The following RNF17 variants were observed in gnomAD, a reference collection of about 807,000 sequenced individuals.
RNF17 encodes spermatogenesis associated 23.
A neutral mutation model predicts 200.5 loss-of-function variants in RNF17; 31 were observed. That is an observed-to-expected ratio of 0.15 (90% CI 0.12 to 0.21). The LOEUF (loss-of-function observed/expected upper bound fraction) is 0.21. Among genes scored for constraint, RNF17 ranks in the 10% least tolerant of loss-of-function variants. The probability of loss-of-function intolerance (pLI) is 1.00; values close to 1 mark genes in which losing one functional copy is unlikely to be tolerated. For synonymous variants in RNF17, 606 were observed against 637.8 expected (o/e 0.95, Z 0.75); for missense variants, 1,628 against 1,905.1 (o/e 0.85, Z 2.71).
chr13:24,863,136 G>T (rs1893264047), intron 28 of RNF17, among the ~76,000 whole-genome samples: 1 of 152,168 alleles, frequency 6.6e-6, no homozygotes, highest in Admixed American at 6.5e-5. Context: ...ACTGTCTCGG[G>T]TCCAGGTAAT....
chr13:24,753,422 G>C, the RNF17 span, among the ~76,000 whole-genome samples: 1 of 152,202 alleles, frequency 6.6e-6, no homozygotes, highest in African/African-American at 2.4e-5. Context: ...TGAATAGTTT[G>C]GTGCTCAAAG....
In RNF17 at chr13:24,767,346, A is replaced by G. The variant is rs1323325280; in HGVS notation, c.205A>G (p.Ile69Val). 3 of 1,607,342 alleles carry G rather than the reference A, an allele frequency of 1.9e-6. No homozygotes were observed. Among genetic ancestry groups the G allele is most frequent in the Non-Finnish European group, 2.6e-6 (3 of 1,173,918 alleles). Residue 69 changes from isoleucine (I) to valine (V), a missense_variant, in exon 2 of 36, where the codon ATT (isoleucine) becomes GTT (valine). Around this residue, in one of 5 missense-constraint regions of RNF17, gnomAD observed 502 missense variants for 501.7 expected, o/e 1.00. Coordinates refer to ENST00000255324, the MANE Select transcript of RNF17 (RefSeq NM_031277.3). ...CLLMTEECTT[I>V]ICPDCEVATA... The stretch of plus-strand genomic sequence containing the variant: ...GTTAATGACTGAAGAATGCACCACA[A>G]TTATATGCCCTGATTGTGAGGTAAG...
At chr13:24,815,961 C>T (rs1343529241) in intron 15 of RNF17, among the ~76,000 whole-genome samples, 1 of 152,200 alleles carries the variant, frequency 6.6e-6, no homozygotes, top group Non-Finnish European at 1.5e-5. Flanking sequence ...GTAGCATGAT[C>T]TCAGCTCACG....
chr13:24,864,482 C>T (rs763172478), intron 28 of RNF17, among the ~76,000 whole-genome samples: 15 of 152,090 alleles, frequency 9.9e-5, no homozygotes, highest in Admixed American at 2.0e-4. Context: ...TAGACTGTTT[C>T]GAGTCCCACC....
chr13:24,847,672 T>C (rs536018540), intron 22 of RNF17, among the ~76,000 whole-genome samples: 1 of 152,150 alleles, frequency 6.6e-6, no homozygotes, highest in East Asian at 1.9e-4. Context: ...ATAGGATAGC[T>C]TCTTTTTTTA....
In RNF17 at chr13:24,861,305, C is replaced by G. The variant is rs750750208; in HGVS notation, c.3812C>G (p.Pro1271Arg). The G allele has an allele frequency of 6.3e-7, 1 of 1,595,042 alleles. No individual in the cohort carries two copies. Among genetic ancestry groups the G allele is most frequent in the Non-Finnish European group, 8.6e-7 (1 of 1,169,316 alleles). ...YLDHGFTEKI[P>R]QCHLYPILLY... ...GATCATGGATTCACTGAAAAGATTCCGCAGTGCCATCTTTACCCTATTTTG... is the reference window on the plus strand; with the variant it reads ...GATCATGGATTCACTGAAAAGATTCGGCAGTGCCATCTTTACCCTATTTTG... Residue 1271 changes from proline (P) to arginine (R), a missense_variant, in exon 27 of 36, where the codon CCG (proline) becomes CGG (arginine). Physicochemically the swap from Pro to Arg is moderately radical, Grantham distance 103. This residue lies in a region of RNF17 where 609 missense variants were observed against 681.9 expected (regional missense o/e 0.89). Coordinates refer to ENST00000255324, the MANE Select transcript of RNF17 (RefSeq NM_031277.3).
At chr13:24,851,963 T>C (rs953622890) in intron 24 of RNF17, among the ~76,000 whole-genome samples, 1 of 152,186 alleles carries the variant, frequency 6.6e-6, no homozygotes, top group Non-Finnish European at 1.5e-5. Flanking sequence ...TAGATGTATT[T>C]ATATGAAATG....
chr13:24,866,171 T>C lies in RNF17; in HGVS notation c.4129T>C (p.Tyr1377His). The change falls in exon 30 of 36, where the codon TAT becomes CAT. Residue 1377 changes from tyrosine (Y) to histidine (H), a missense_variant. Physicochemically the swap from Tyr to His is moderately conservative, Grantham distance 83. This residue lies in a region of RNF17 where 609 missense variants were observed against 681.9 expected (regional missense o/e 0.89). Coordinates refer to ENST00000255324, the MANE Select transcript of RNF17 (RefSeq NM_031277.3). ...EKPRSDHDKK[Y>H]EEEQWEIRFE... ...ACCAAGATCAGATCATGATAAAAAGTATGAAGAGGAACAATGGGAAATAAG... is the reference window on the plus strand; with the variant it reads ...ACCAAGATCAGATCATGATAAAAAGCATGAAGAGGAACAATGGGAAATAAG... 1 of 1,558,748 alleles carries C rather than the reference T, an allele frequency of 6.4e-7. No homozygotes were observed. Among genetic ancestry groups the C allele is most frequent in the Non-Finnish European group, 8.8e-7 (1 of 1,132,756 alleles).
chr13:24,803,134 G>T (rs1029649594), intron 14 of RNF17, among the ~76,000 whole-genome samples: 3 of 8,442 alleles, frequency 3.6e-4, no homozygotes, highest in Non-Finnish European at 4.6e-4. Context: ...ACATCTTTTG[G>T]ACTCTTGATA....
At chr13:24,824,170 A>G (rs1365259049) in intron 15 of RNF17, 2 of 709,448 alleles carry the variant, frequency 2.8e-6, no homozygotes, top group Admixed American at 4.1e-5. Context: ...CTTCTTGGTT[A>G]CTGTAAACTT....
At chr13:24,829,375 C>T (rs1044808384) in intron 16 of RNF17, among the ~76,000 whole-genome samples, 14 of 152,188 alleles carry the variant, frequency 9.2e-5, no homozygotes, top group Non-Finnish European at 2.9e-5. Flanking sequence ...CTTTAAATTA[C>T]TTTCCATATC....
rs753076992 is a variant in RNF17, at chr13:24,850,485, G to A, written c.3204+42G>A. 10 of 1,186,422 alleles carry A rather than the reference G, an allele frequency of 8.4e-6. 1 individual carries two copies. In the South Asian group the frequency reaches 1.4e-4, roughly 16 times the overall value. 73.5% of individuals were successfully genotyped at this position (1,186,422 alleles called of 1,614,324 possible). A position where few individuals can be genotyped will look rare whatever the true frequency, so the allele number is the denominator to read the frequency against. On this transcript the variant is annotated intron_variant, in intron 23 of 35. Transcript: ENST00000255324. ...GATATGTGCTGATGATCTCATTAAT[G>A]TTTCCATCGATTCCATTTATTTTCT...
At chr13:24,749,303 C>CTTTT in the RNF17 span, among the ~76,000 whole-genome samples, 2 of 31,946 alleles carry the variant, frequency 6.3e-5, no homozygotes, top group Admixed American at 4.7e-4. Flanking sequence ...TTCTTTCTTT[C>CTTTT]TTTCTTTTTT....
chr13:24,762,544 T>A (rs530984440), upstream of RNF17, among the ~76,000 whole-genome samples: 3 of 152,266 alleles, frequency 2.0e-5, no homozygotes, highest in East Asian at 5.8e-4. Flanking sequence ...TAGTGGAAAC[T>A]ATTGGATGAG....
At chr13:24,848,164 G>T (rs1449622547) in intron 22 of RNF17, among the ~76,000 whole-genome samples, 1 of 152,158 alleles carries the variant, frequency 6.6e-6, no homozygotes, top group Non-Finnish European at 1.5e-5. Context: ...AAGAGGTTAA[G>T]TATTTTATTA....
At chr13:24,884,461 C>T (rs1372127371), downstream of RNF17, 2 of 1,613,994 alleles carry the variant, frequency 1.2e-6, no homozygotes, top group East Asian at 2.2e-5. Context: ...AAACCTTTTC[C>T]ACCTAAAAAA....
At chr13:24,885,929 C>A in the RNF17 span, 11 of 495,224 alleles carry the variant, frequency 2.2e-5, no homozygotes, top group Non-Finnish European at 3.6e-5. Flanking sequence ...CCTGACAGAC[C>A]CAAATGTATT....
At chr13:24,886,438 T>A in the RNF17 span, 1 of 1,063,300 alleles carries the variant, frequency 9.4e-7, no homozygotes, top group South Asian at 1.3e-5. Flanking sequence ...GATTTATAGG[T>A]CCCAAACTGC....
At chr13:24,878,205 C>T (rs1895063706) in intron 34 of RNF17, among the ~76,000 whole-genome samples, 1 of 152,204 alleles carries the variant, frequency 6.6e-6, no homozygotes, top group African/African-American at 2.4e-5. Flanking sequence ...CATAATCAGT[C>T]AGCATGGTTC....
Sources: gnomAD v4.1 joint callset for allele counts (sites outside exome capture counted in the v4.1 genomes callset) on GRCh38, gnomAD v4.1.1 for gene constraint, gnomAD v4.1.1 regional missense constraint, MANE v1.5 for transcripts, NCBI Gene and HGNC (gene_info 2026-07-23, HGNC 2026-07-21) for gene names.